PLCB1: variants seen among roughly 807,000 people sequenced by gnomAD.
PLCB1 encodes the protein 1-phosphatidylinositol 4,5-bisphosphate phosphodiesterase beta-1.
PLCB1 carries 46 observed loss-of-function variants against 161.8 expected under a neutral mutation model. The observed-to-expected ratio is 0.28, with a 90% CI of 0.22 to 0.36. The LOEUF (loss-of-function observed/expected upper bound fraction) is 0.36, where lower values mean the gene tolerates loss of function less well. Ranked by LOEUF, PLCB1 falls within the 10% of genes least tolerant of loss-of-function variation. PLCB1 has a pLI of 1.00. For synonymous variants in PLCB1, 517 were observed against 503.7 expected (o/e 1.03, Z -0.35); for missense variants, 1,016 against 1,472.5 (o/e 0.69, Z 5.07).
chr20:8,444,653 A>G (rs529285907), intron 3 of PLCB1, among the ~76,000 whole-genome samples: 12 of 152,338 alleles, frequency 7.9e-5, no homozygotes, highest in Admixed American at 5.2e-4. Context: ...GAACTAGTTT[A>G]CAGTCCCACC....
At chr20:8,564,477 T>G (rs1431737990) in intron 3 of PLCB1, among the ~76,000 whole-genome samples, 1 of 152,056 alleles carries the variant, frequency 6.6e-6, no homozygotes, top group Non-Finnish European at 1.5e-5. Flanking sequence ...AAGCCAAAAT[T>G]GACAAATGGG....
At chr20:8,417,883 C>G (rs1979372403) in intron 3 of PLCB1, among the ~76,000 whole-genome samples, 1 of 152,196 alleles carries the variant, frequency 6.6e-6, no homozygotes, top group Non-Finnish European at 1.5e-5. Flanking sequence ...AGCCTACAGT[C>G]CCATCTGTGG....
intron 3 of PLCB1, among the ~76,000 whole-genome samples, chr20:8,481,728 T>C (rs2021901): frequency 0.72 from 109,890 of 152,052 alleles, 39,859 homozygotes; most frequent in Non-Finnish European, 0.74. Context: ...TTCTCTGTCC[T>C]TCACCTGAAT....
chr20:8,417,073 ATTTTTTTTTTTTT>A (rs3031852), intron 3 of PLCB1, among the ~76,000 whole-genome samples: 10 of 39,892 alleles, frequency 2.5e-4, no homozygotes, highest in South Asian at 2.6e-3. Flanking sequence ...ATATATATAT[ATTTTTTTTTTTTT>A]TTTTTTTTTT....
chr20:8,358,412 C>T (rs527977786), intron 2 of PLCB1, among the ~76,000 whole-genome samples: 11 of 152,166 alleles, frequency 7.2e-5, no homozygotes, highest in African/African-American at 2.6e-4. Context: ...ACATGCCCGG[C>T]TAATTATTTT....
At chr20:8,621,333 G>A (rs1298353851) in intron 3 of PLCB1, among the ~76,000 whole-genome samples, 1 of 152,060 alleles carries the variant, frequency 6.6e-6, no homozygotes, top group Non-Finnish European at 1.5e-5. Context: ...AAAAAGACTG[G>A]GGGGATAGTT....
chr20:8,530,701 G>T (rs1014963673), intron 3 of PLCB1, among the ~76,000 whole-genome samples: 5 of 152,014 alleles, frequency 3.3e-5, no homozygotes, highest in Non-Finnish European at 7.4e-5. Context: ...ACTATTATAT[G>T]TCTTTACTGT....
chr20:8,663,131 T>C (rs1989727109), intron 9 of PLCB1, among the ~76,000 whole-genome samples: 1 of 151,898 alleles, frequency 6.6e-6, no homozygotes. Context: ...TGTTATAAAA[T>C]GCTAAGCATA....
intron 3 of PLCB1, among the ~76,000 whole-genome samples, chr20:8,376,128 A>T (rs1257051833): frequency 6.6e-6 from 1 of 152,086 alleles, no homozygotes; most frequent in East Asian, 1.9e-4. Flanking sequence ...TAGTACATGA[A>T]AACTGTGTGC....
At chr20:8,460,211 T>C (rs1341115044) in intron 3 of PLCB1, among the ~76,000 whole-genome samples, 1 of 152,222 alleles carries the variant, frequency 6.6e-6, no homozygotes, top group East Asian at 1.9e-4. Flanking sequence ...CTAGATTTCA[T>C]GGCTGCAGTT....
chr20:8,275,682 T>C (rs1982505787), intron 2 of PLCB1, among the ~76,000 whole-genome samples: 1 of 152,222 alleles, frequency 6.6e-6, no homozygotes, highest in Non-Finnish European at 1.5e-5. Context: ...TTCTGTGAAG[T>C]AGTTTTTATC....
intron 2 of PLCB1, among the ~76,000 whole-genome samples, chr20:8,292,148 G>A (rs1983412069): frequency 6.6e-6 from 1 of 152,082 alleles, no homozygotes; most frequent in Non-Finnish European, 1.5e-5. Flanking sequence ...TAAAGTTCTA[G>A]AAAAACTGAG....
intron 4 of PLCB1, among the ~76,000 whole-genome samples, chr20:8,642,371 A>G (rs968189884): frequency 2.6e-5 from 4 of 152,218 alleles, no homozygotes; most frequent in Non-Finnish European, 5.9e-5. Context: ...CCATGAAAAG[A>G]TTCTTCACTG....
At chr20:8,314,314 G>A (rs571071416) in intron 2 of PLCB1, among the ~76,000 whole-genome samples, 2 of 152,044 alleles carry the variant, frequency 1.3e-5, no homozygotes, top group East Asian at 1.9e-4. Context: ...ATTTTTTTTC[G>A]GAGTTGTATC....
intron 12 of PLCB1, among the ~76,000 whole-genome samples, chr20:8,711,790 A>G (rs1338167457): frequency 1.3e-5 from 2 of 151,858 alleles, no homozygotes; most frequent in African/African-American, 4.8e-5. Flanking sequence ...AGCCCATGGT[A>G]GGCAGTAGCA....
chr20:8,834,793 C>T (rs577513850), intron 31 of PLCB1, among the ~76,000 whole-genome samples: 2 of 115,290 alleles, frequency 1.7e-5, no homozygotes, highest in African/African-American at 3.3e-5. Flanking sequence ...CCAGCCTGGG[C>T]GATAGACTCT....
intron 3 of PLCB1, among the ~76,000 whole-genome samples, chr20:8,428,668 T>C (rs566563444): frequency 2.6e-4 from 39 of 152,346 alleles, no homozygotes; most frequent in African/African-American, 8.9e-4. Flanking sequence ...AAAGGCATTT[T>C]AAGAGCCATG....
intron 2 of PLCB1, among the ~76,000 whole-genome samples, chr20:8,339,835 G>A (rs2122219075): frequency 6.6e-6 from 1 of 152,282 alleles, no homozygotes; most frequent in East Asian, 1.9e-4. Context: ...CAGGCACTGT[G>A]GCTCATGCCT....
intron 2 of PLCB1, among the ~76,000 whole-genome samples, chr20:8,227,613 C>T (rs1944480456): frequency 6.6e-6 from 1 of 152,194 alleles, no homozygotes. Context: ...CCCCTACCAA[C>T]CCACACTTTT....
Sources: allele counts gnomAD v4.1 joint callset (sites outside exome capture counted in the v4.1 genomes callset), GRCh38; gene constraint gnomAD v4.1.1; transcripts MANE v1.5; gene names NCBI Gene and HGNC (gene_info 2026-07-23, HGNC 2026-07-21).